Variants in MAST3 observed in about 807,000 individuals in gnomAD.
The protein encoded by MAST3 is microtubule-associated serine/threonine-protein kinase 3.
Under a neutral mutation model 127.0 loss-of-function variants are expected in MAST3, and 43 were observed. That is an observed-to-expected ratio of 0.34 (90% CI 0.27 to 0.44). The LOEUF is 0.44. Among genes scored for constraint, MAST3 ranks in the 20% least tolerant of loss-of-function variants. The pLI is 1.00. For synonymous variants in MAST3, 785 were observed against 809.2 expected (o/e 0.97, Z 0.51); for missense variants, 1,390 against 1,919.1 (o/e 0.72, Z 5.15).
chr19:18,132,008 A>G lies in MAST3; in HGVS notation c.1532A>G (p.His511Arg). 4 of 1,614,218 alleles carry G rather than the reference A, an allele frequency of 2.5e-6. No individual in the cohort carries two copies. Among genetic ancestry groups the G allele is most frequent in the Non-Finnish European group, 3.4e-6 (4 of 1,180,048 alleles). ...ACGGTGTTGGCGCTGGAGTACCTGCATAACTATGGCATCGTGCACCGTGAC... is the reference window on the plus strand; with the variant it reads ...ACGGTGTTGGCGCTGGAGTACCTGCGTAACTATGGCATCGTGCACCGTGAC... ...AETVLALEYL[H>R]NYGIVHRDLK... The change falls in exon 15 of 28, where the codon CAT becomes CGT. Residue 511 changes from histidine to arginine, a missense_variant. This residue lies in a region of MAST3 where 191 missense variants were observed against 409.0 expected (regional missense o/e 0.47). Coordinates refer to ENST00000687212, the MANE Select transcript of MAST3 (RefSeq NM_001393504.1).
chr19:18,113,028 C>T (rs2038806156), intron 3 of MAST3, among the ~76,000 whole-genome samples: 1 of 152,242 alleles, frequency 6.6e-6, no homozygotes, highest in East Asian at 1.9e-4. Flanking sequence ...TGGCTTCCAC[C>T]CCAGGTGAGG....
rs1391066958 is a variant in MAST3 at position 18,149,664 on chromosome 19, C to G, written c.3982C>G (p.Gln1328Glu). The G allele has an allele frequency of 6.2e-7, 1 of 1,613,070 alleles. No homozygotes were observed. The highest frequency in any genetic ancestry group is 8.5e-7 in the Non-Finnish European group (1 of 1,179,886). ...CACTGGGCTGCCCACCTCAGTGCCA[C>G]AGATCGCCGTGGAGGGCGAGGAAGC... ...EATGLPTSVPQIAVEGEEAVP... is the reference protein window; with the variant it reads ...EATGLPTSVPEIAVEGEEAVP... Residue 1328 changes from glutamine (Q) to glutamate (E), a missense_variant, in exon 28 of 28, where the codon CAG becomes GAG. Gln to Glu is a conservative substitution (Grantham distance 29, BLOSUM62 2). This residue lies in a region of MAST3 where 816 missense variants were observed against 934.1 expected (regional missense o/e 0.87). Coordinates refer to ENST00000687212, the MANE Select transcript of MAST3 (RefSeq NM_001393504.1). This position sits in a 1 kb window ranked among gnomAD's most constrained non-coding sequence, Gnocchi z 5.9.
At position 18,143,944 on chromosome 19, in the gene MAST3, C is replaced by A; in HGVS notation, c.2521C>A (p.Leu841Ile). ...PAGPKRPVFI[L>I]GEPDPPPAAT... Reference sequence around the variant, plus strand: ...AGGCCCCAAGAGGCCCGTCTTCATTCTAGGGGAGCCTGACCCCCCACCAGC... The same window carrying A: ...AGGCCCCAAGAGGCCCGTCTTCATTATAGGGGAGCCTGACCCCCCACCAGC... Residue 841 changes from leucine to isoleucine, a missense_variant, in exon 22 of 28, where the codon CTA becomes ATA. Transcript: ENST00000687212. 1 of 1,608,260 alleles carries A rather than the reference C, an allele frequency of 6.2e-7. No individual in the cohort carries two copies. Among genetic ancestry groups the A allele is most frequent in the African/African-American group, 1.3e-5 (1 of 74,994 alleles).
chr19:18,128,775 G>C lies in MAST3; in HGVS notation c.1138-91G>C, dbSNP rs917393338. The C allele has an allele frequency of 5.2e-5, 52 of 998,190 alleles. No homozygotes were observed. In the South Asian group the frequency reaches 5.6e-4, roughly 11 times the overall value. The allele number at this position is 998,190 out of a possible 1,614,324, so 61.8% of individuals were successfully genotyped here. On this transcript the variant is annotated intron_variant, in intron 12 of 27. Coordinates refer to ENST00000687212, the MANE Select transcript of MAST3 (RefSeq NM_001393504.1). Reference sequence around the variant, plus strand: ...TTGGACAGGGGAGGAGGTAGCATCGGGCACCAGGACCAGTGGTTTGGGCTT... The same window carrying C: ...TTGGACAGGGGAGGAGGTAGCATCGCGCACCAGGACCAGTGGTTTGGGCTT...
chr19:18,147,060 G>C lies in MAST3; in HGVS notation c.3326+16G>C, dbSNP rs767332154. On this transcript the variant is annotated intron_variant, in intron 26 of 27. Coordinates refer to ENST00000687212, the MANE Select transcript of MAST3 (RefSeq NM_001393504.1). ...CCAGGGAGCGGTACACAGGGGGCGG[G>C]GCCACGGGGACTGGGGTTCTTTTTT... 1 of 1,508,960 alleles carries C rather than the reference G, an allele frequency of 6.6e-7. No individual in the cohort carries two copies. Among genetic ancestry groups the C allele is most frequent in the South Asian group, 1.3e-5 (1 of 78,878 alleles). The allele number at this position is 1,508,960 out of a possible 1,614,324, so 93.5% of individuals were successfully genotyped here.
In MAST3 at chr19:18,112,711, TCCAC is replaced by T. The variant is rs574779756; in HGVS notation, c.161+1973_161+1976del. Among the ~76,000 whole-genome samples the T allele has an allele frequency of 3.5e-4, 53 of 152,124 alleles. No individual in the cohort carries two copies. The highest frequency in any genetic ancestry group is 6.8e-4 in the Non-Finnish European group (46 of 68,016). ...GTCTTGAACTCCTGACCTCAGGTGA[TCCAC>T]CCGCCTTGGCTTCCCAAAGTGCTAG... On this transcript the variant is annotated intron_variant, in intron 3 of 27. Coordinates refer to ENST00000687212, the MANE Select transcript of MAST3 (RefSeq NM_001393504.1). This position sits in a 1 kb window ranked among gnomAD's most constrained non-coding sequence, Gnocchi z 4.1.
In MAST3 at chr19:18,110,278, G is replaced by A. The variant is rs1287127763; in HGVS notation, c.72-374G>A. 1.0e-6 allele frequency: 1 copy of A among 985,604 alleles called. No homozygotes were observed. The highest frequency in any genetic ancestry group is 1.2e-6 in the Non-Finnish European group (1 of 830,056). 61.1% of individuals were successfully genotyped at this position (985,604 alleles called of 1,614,324 possible). A position where few individuals can be genotyped will look rare whatever the true frequency, so the allele number is the denominator to read the frequency against. On this transcript the variant is annotated intron_variant, in intron 2 of 27. Coordinates refer to ENST00000687212, the MANE Select transcript of MAST3 (RefSeq NM_001393504.1). The surrounding 1 kb of genome is among the most constrained non-coding windows in gnomAD (Gnocchi z 4.3). The stretch of plus-strand genomic sequence containing the variant: ...CAGGGCTTCCGGGGGCCAACAAGGG[G>A]GCGTCGGTACCCCGCCGCACAGAGG...
chr19:18,098,513 G>A (rs2037219513), intron 1 of MAST3, among the ~76,000 whole-genome samples: 1 of 152,090 alleles, frequency 6.6e-6, no homozygotes, highest in Admixed American at 6.6e-5. Context: ...TTTATGTTTA[G>A]GAGGCTGTGT....
chr19:18,115,354 G>A (rs2039101122), intron 3 of MAST3, among the ~76,000 whole-genome samples: 2 of 152,060 alleles, frequency 1.3e-5, no homozygotes, highest in East Asian at 1.9e-4. Context: ...TATGTAATAG[G>A]GGGTGTGTAG....
chr19:18,102,993 G>T (rs2037773430), intron 1 of MAST3, among the ~76,000 whole-genome samples: 1 of 152,124 alleles, frequency 6.6e-6, no homozygotes, highest in South Asian at 2.1e-4. Context: ...GGCAAGCGCA[G>T]ACGGGTATAC....
chr19:18,120,989 G>A (rs1372884898), intron 3 of MAST3, among the ~76,000 whole-genome samples: 1 of 152,098 alleles, frequency 6.6e-6, no homozygotes, highest in Non-Finnish European at 1.5e-5. Flanking sequence ...CCAAAGTACT[G>A]GGATTACAGG....
At chr19:18,148,771 C>T (rs1415683172) in intron 27 of MAST3, among the ~76,000 whole-genome samples, 1 of 152,040 alleles carries the variant, frequency 6.6e-6, no homozygotes, top group African/African-American at 2.4e-5. Context: ...GATGTGGTGG[C>T]ACATGCCTGT....
At chr19:18,131,327 C>T (rs2041254014) in intron 14 of MAST3, among the ~76,000 whole-genome samples, 3 of 151,584 alleles carry the variant, frequency 2.0e-5, no homozygotes, top group African/African-American at 7.3e-5. Flanking sequence ...TGCAGTGAGC[C>T]GAGACTGCGC....
chr19:18,100,592 G>C (rs1037733808), intron 1 of MAST3, among the ~76,000 whole-genome samples: 18 of 152,174 alleles, frequency 1.2e-4, no homozygotes, highest in African/African-American at 3.6e-4. Context: ...GCCCTCTCAT[G>C]CATTCAATTC....
chr19:18,113,440 C>T (rs1194270105), intron 3 of MAST3, among the ~76,000 whole-genome samples: 2 of 152,080 alleles, frequency 1.3e-5, no homozygotes, highest in African/African-American at 4.8e-5. Context: ...TGCACCACTA[C>T]ACTCAGCTAA....
At position 18,110,543 on chromosome 19, in the gene MAST3, C is replaced by G; in HGVS notation, c.72-109C>G. 1 of 840,134 alleles carries G rather than the reference C, an allele frequency of 1.2e-6. No homozygotes were observed. The highest frequency in any genetic ancestry group is 1.4e-6 in the Non-Finnish European group (1 of 696,718). The allele number at this position is 840,134 out of a possible 1,614,324, so 52.0% of individuals were successfully genotyped here. On this transcript the variant is annotated intron_variant, in intron 2 of 27. Coordinates refer to ENST00000687212, the MANE Select transcript of MAST3 (RefSeq NM_001393504.1). This position sits in a 1 kb window ranked among gnomAD's most constrained non-coding sequence, Gnocchi z 4.3. ...CTGAGCTGAACCCAGAATCCCCGGT[C>G]TTGGGCCCCTACTCCCTGAGGGAAC... is the stretch of plus-strand genomic sequence containing the variant.
At chr19:18,130,388 AG>A in intron 13 of MAST3, 105 bp from the exon 14 acceptor site, 10 of 1,007,562 alleles carry the variant, frequency 9.9e-6, no homozygotes, top group Non-Finnish European at 1.5e-5. Flanking sequence ...TGGAGGGCAC[AG>A]CACAGGCAAA....
chr19:18,147,581 C>G lies in MAST3; in HGVS notation c.3465C>G (p.Ser1155Arg). Residue 1155 changes from serine (S) to arginine (R), a missense_variant, in exon 27 of 28, where the codon AGC becomes AGG. By Grantham distance (110) the Ser-to-Arg change is moderately radical (BLOSUM62 -1). This residue lies in a region of MAST3 where 816 missense variants were observed against 934.1 expected (regional missense o/e 0.87). Coordinates refer to ENST00000687212, the MANE Select transcript of MAST3 (RefSeq NM_001393504.1). Reference protein sequence around the residue: ...PGSPTHSLSPSPTTPCRSPAP... With the variant: ...PGSPTHSLSPRPTTPCRSPAP... ...CGCCCACCCACAGCCTCTCCCCCAGCCCCACCACTCCCTGCCGAAGCCCAG... is the reference window on the plus strand; with the variant it reads ...CGCCCACCCACAGCCTCTCCCCCAGGCCCACCACTCCCTGCCGAAGCCCAG... 39 of 1,573,794 alleles carry G rather than the reference C, an allele frequency of 2.5e-5. No homozygotes were observed. Among genetic ancestry groups the G allele is most frequent in the Non-Finnish European group, 3.4e-5 (39 of 1,160,166 alleles).
At chr19:18,126,032 C>T (rs1331208059) in intron 11 of MAST3, among the ~76,000 whole-genome samples, 1 of 151,788 alleles carries the variant, frequency 6.6e-6, no homozygotes, top group African/African-American at 2.4e-5. Context: ...GTGCTCTAGC[C>T]TGGGTGAAAG....
Sources: allele counts gnomAD v4.1 joint callset (sites outside exome capture counted in the v4.1 genomes callset), GRCh38; gene constraint gnomAD v4.1.1; regional missense constraint gnomAD v4.1.1; non-coding constraint Gnocchi (gnomAD v3.1); transcripts MANE v1.5; gene names NCBI Gene and HGNC (gene_info 2026-07-23, HGNC 2026-07-21).